Variants in ZFHX3 observed in about 807,000 individuals in gnomAD.
ZFHX3 encodes the protein zinc finger homeobox protein 3.
Under a neutral mutation model 279.1 loss-of-function variants are expected in ZFHX3, and 42 were observed. The ratio of observed to expected loss-of-function variants is 0.15; its 90% CI spans 0.12 to 0.19. The LOEUF (loss-of-function observed/expected upper bound fraction) is 0.19, where lower values mean the gene tolerates loss of function less well. Ranked by LOEUF, ZFHX3 falls within the 10% of genes least tolerant of loss-of-function variation. ZFHX3 has a pLI of 1.00. For missense variants in ZFHX3, 4,981 were observed against 4,754.0 expected, an observed-to-expected ratio of 1.05 and a Z score of -1.40; for synonymous variants, 2,293 against 1,957.8, an observed-to-expected ratio of 1.17 and a Z score of -4.52.
chr16:73,087,828 CTCTT>C (rs1409040573), intron 8 of ZFHX3, among the ~76,000 whole-genome samples: 1 of 151,368 alleles, frequency 6.6e-6, no homozygotes, highest in Non-Finnish European at 1.5e-5. Context: ...TCATTTCTCT[CTCTT>C]TTTTTTTTTT....
chr16:73,852,952 C>G (rs1567430798), intron 1 of ZFHX3, among the ~76,000 whole-genome samples: 1 of 149,740 alleles, frequency 6.7e-6, no homozygotes, highest in Non-Finnish European at 1.5e-5. Context: ...GGAACTCAAA[C>G]AGCTCAACAA....
intron 1 of ZFHX3, among the ~76,000 whole-genome samples, chr16:73,038,787 CTATTATTATTAT>C (rs10539654): frequency 2.7e-5 from 4 of 147,084 alleles, no homozygotes; most frequent in South Asian, 2.2e-4. Flanking sequence ...CTTTTTATTA[CTATTATTATTAT>C]TATTATTATT....
chr16:73,608,969 A>G (rs1029591827), intron 2 of ZFHX3: 7 of 152,012 alleles, frequency 4.6e-5, no homozygotes, highest in Admixed American at 2.6e-4. Context: ...TCTCCTCACT[A>G]TTTGTGGGTG....
At chr16:72,894,385 C>T (rs2038845672) in intron 3 of ZFHX3, among the ~76,000 whole-genome samples, 1 of 152,190 alleles carries the variant, frequency 6.6e-6, no homozygotes, top group South Asian at 2.1e-4. Flanking sequence ...ACCTTCTCCA[C>T]ATCATTCGGC....
At chr16:73,646,432 A>T (rs1015948538) in intron 2 of ZFHX3, among the ~76,000 whole-genome samples, 6 of 152,202 alleles carry the variant, frequency 3.9e-5, no homozygotes, top group Non-Finnish European at 1.5e-5. Context: ...AAATTAACTG[A>T]ACATTCAATT....
intron 3 of ZFHX3, among the ~76,000 whole-genome samples, chr16:73,321,590 C>T (rs1022432212): frequency 3.3e-5 from 5 of 152,194 alleles, no homozygotes; most frequent in Admixed American, 6.5e-5. Flanking sequence ...AACAGGTCAA[C>T]GGCTATTCAC....
chr16:73,482,686 A>T (rs2018890834), intron 2 of ZFHX3, among the ~76,000 whole-genome samples: 1 of 152,222 alleles, frequency 6.6e-6, no homozygotes, highest in Admixed American at 6.5e-5. Context: ...TTCAAATTTC[A>T]ATGCCATTTC....
At chr16:73,547,274 A>G (rs1171356604) in intron 2 of ZFHX3, among the ~76,000 whole-genome samples, 1 of 152,118 alleles carries the variant, frequency 6.6e-6, no homozygotes, top group Non-Finnish European at 1.5e-5. Context: ...TTGGCTTTAA[A>G]TTAAATATAA....
At chr16:73,231,551 C>T (rs2012773031) in intron 5 of ZFHX3, among the ~76,000 whole-genome samples, 1 of 152,218 alleles carries the variant, frequency 6.6e-6, no homozygotes, top group Non-Finnish European at 1.5e-5. Flanking sequence ...AGTTCGTGTT[C>T]ATTGTCCTGC....
chr16:73,249,552 GA>G (rs1296595442), intron 5 of ZFHX3, among the ~76,000 whole-genome samples: 1 of 152,098 alleles, frequency 6.6e-6, no homozygotes, highest in Non-Finnish European at 1.5e-5. Context: ...GAGTATGGGG[GA>G]AACCGCCCCC....
intron 5 of ZFHX3, among the ~76,000 whole-genome samples, chr16:73,168,226 T>TCTTTCTTTCTTA (rs1491571651): frequency 3.0e-5 from 4 of 134,698 alleles, no homozygotes; most frequent in Non-Finnish European, 6.3e-5. Flanking sequence ...TTTCTTTCTT[T>TCTTTCTTTCTTA]CTTTCTTTCT....
chr16:73,601,257 C>A (rs999415215), intron 2 of ZFHX3, among the ~76,000 whole-genome samples: 2 of 150,164 alleles, frequency 1.3e-5, no homozygotes, highest in Admixed American at 6.6e-5. Flanking sequence ...TTGAAACCAT[C>A]CTGGCCAATA....
intron 4 of ZFHX3, among the ~76,000 whole-genome samples, chr16:73,301,786 C>T (rs7184482): frequency 0.11 from 15,506 of 147,488 alleles, 829 homozygotes; most frequent in African/African-American, 0.12. Flanking sequence ...GACAAGCACT[C>T]ATTTAAGATT....
At chr16:72,826,595 C>T (rs2143702926) in intron 5 of ZFHX3, among the ~76,000 whole-genome samples, 1 of 152,236 alleles carries the variant, frequency 6.6e-6, no homozygotes, top group Middle Eastern at 3.4e-3. Context: ...GCCCAAGTAC[C>T]TTAATAAAGC....
At chr16:73,819,294 A>G (rs931083547) in intron 1 of ZFHX3, among the ~76,000 whole-genome samples, 7 of 151,032 alleles carry the variant, frequency 4.6e-5, no homozygotes, top group African/African-American at 7.3e-5. Context: ...GGTCTTGTAC[A>G]CTGTAGGATA....
At chr16:73,175,575 T>A (rs1426341296) in intron 5 of ZFHX3, among the ~76,000 whole-genome samples, 1 of 152,118 alleles carries the variant, frequency 6.6e-6, no homozygotes, top group Non-Finnish European at 1.5e-5. Flanking sequence ...ACACAAAACA[T>A]CTAGACCAGG....
chr16:73,279,006 G>T (rs2014388204), intron 4 of ZFHX3, among the ~76,000 whole-genome samples: 1 of 152,110 alleles, frequency 6.6e-6, no homozygotes, highest in African/African-American at 2.4e-5. Context: ...CTAAGTGGGG[G>T]GCATCCCCAT....
At chr16:73,761,790 T>C (rs937795581) in intron 1 of ZFHX3, among the ~76,000 whole-genome samples, 4 of 151,944 alleles carry the variant, frequency 2.6e-5, no homozygotes, top group Admixed American at 6.6e-5. Context: ...ATGCAGAAAA[T>C]TGAAACTGGA....
intron 2 of ZFHX3, among the ~76,000 whole-genome samples, chr16:73,631,635 T>A (rs1350415958): frequency 6.6e-6 from 1 of 152,222 alleles, no homozygotes; most frequent in East Asian, 1.9e-4. Context: ...CTGGGCGCAG[T>A]GGCTCACACC....
Sources: gnomAD v4.1 joint callset for allele counts (sites outside exome capture counted in the v4.1 genomes callset) on GRCh38, gnomAD v4.1.1 for gene constraint, MANE v1.5 for transcripts, NCBI Gene and HGNC (gene_info 2026-07-23, HGNC 2026-07-21) for gene names.